ACOXL: variants seen among roughly 807,000 people sequenced by gnomAD.
ACOXL encodes the protein acyl-CoA oxidase like.
In ACOXL, 70 loss-of-function variants were observed where a neutral mutation model predicts 71.9. The ratio of observed to expected loss-of-function variants is 0.97; its 90% confidence interval spans 0.80 to 1.19. The LOEUF (loss-of-function observed/expected upper bound fraction) is 1.19. ACOXL is among the 50% of genes most tolerant of loss of function. The pLI is 0.00. For missense variants in ACOXL, 703 were observed against 736.3 expected, an observed-to-expected ratio of 0.95 and a Z score of 0.52; for synonymous variants, 253 against 281.6, an observed-to-expected ratio of 0.90 and a Z score of 1.02.
At chr2:110,757,408 A>G (rs557385732) in intron 1 of ACOXL, among the ~76,000 whole-genome samples, 3 of 152,282 alleles carry the variant, frequency 2.0e-5, no homozygotes, top group Admixed American at 6.5e-5. Context: ...TCCTTTGGGT[A>G]TATACCCAGT....
At chr2:111,032,286 C>T (rs1157870426) in intron 15 of ACOXL, among the ~76,000 whole-genome samples, 1 of 152,156 alleles carries the variant, frequency 6.6e-6, no homozygotes, top group Non-Finnish European at 1.5e-5. Flanking sequence ...GGTAGTGCCA[C>T]TGGTGCGCAG....
intron 7 of ACOXL, among the ~76,000 whole-genome samples, chr2:110,801,346 A>C (rs1685966590): frequency 2.0e-5 from 3 of 152,180 alleles, no homozygotes; most frequent in African/African-American, 7.2e-5. Flanking sequence ...TCTTAATCAC[A>C]GTCACTGCTC....
intron 1 of ACOXL, among the ~76,000 whole-genome samples, chr2:110,734,331 G>GT (rs1313479121): frequency 7.3e-5 from 11 of 151,562 alleles, no homozygotes; most frequent in Non-Finnish European, 1.5e-5. Flanking sequence ...GTGCTGTGGT[G>GT]TGATCTCAGC....
chr2:111,102,910 C>T (rs1005238981), intron 17 of ACOXL, among the ~76,000 whole-genome samples: 4 of 152,094 alleles, frequency 2.6e-5, no homozygotes, highest in African/African-American at 4.8e-5. Context: ...ATTTTACAGA[C>T]GAGACATTGC....
chr2:110,755,336 G>A (rs1333465941), intron 1 of ACOXL, among the ~76,000 whole-genome samples: 1 of 152,092 alleles, frequency 6.6e-6, no homozygotes, highest in Non-Finnish European at 1.5e-5. Context: ...GACCCAAGAA[G>A]ACATAAAAGA....
At chr2:110,808,166 G>C (rs997056344) in intron 9 of ACOXL, among the ~76,000 whole-genome samples, 3 of 152,284 alleles carry the variant, frequency 2.0e-5, no homozygotes, top group East Asian at 3.9e-4. Flanking sequence ...TGCAGCCTGT[G>C]CTGGGAGGCT....
At chr2:110,774,408 A>C (rs1210311913) in intron 2 of ACOXL, among the ~76,000 whole-genome samples, 1 of 152,220 alleles carries the variant, frequency 6.6e-6, no homozygotes, top group Non-Finnish European at 1.5e-5. Flanking sequence ...TGAGCAGATG[A>C]CAGGATCTTT....
intron 9 of ACOXL, among the ~76,000 whole-genome samples, chr2:110,835,919 C>T (rs562805011): frequency 3.3e-5 from 5 of 152,292 alleles, no homozygotes; most frequent in South Asian, 2.1e-4. Context: ...CAAAGTTAAT[C>T]GGCCTAAAAC....
intron 10 of ACOXL, among the ~76,000 whole-genome samples, chr2:110,878,348 C>T (rs1435954659): frequency 1.3e-5 from 2 of 152,152 alleles, no homozygotes; most frequent in Non-Finnish European, 2.9e-5. Flanking sequence ...GTGAGAAGCT[C>T]TATCAGAAGA....
In ACOXL at chr2:110,987,144, C is replaced by T. The variant is rs1574396126; in HGVS notation, c.1096C>T (p.Gln366Ter). The change falls in exon 13 of 18, where the codon CAG becomes TAG. Residue 366 changes from glutamine (Q) to a stop codon, truncating the protein, a stop_gained. Coordinates refer to ENST00000439055, the MANE Select transcript of ACOXL (RefSeq NM_001142807.4). LOFTEE classifies it high-confidence loss of function. The part of the protein sequence containing the change: ...GRELLAQYTK[Q>*]YEEKPLFGLL... ...GGAACTGCTGGCCCAATACACCAAA[C>T]AGTATGAAGAAAAACCACTCTTTGG... 5 of 1,577,152 alleles carry T rather than the reference C, an allele frequency of 3.2e-6. No homozygotes were observed. Among genetic ancestry groups the T allele is most frequent in the Non-Finnish European group, 4.3e-6 (5 of 1,158,304 alleles).
Position 111,062,480 on chromosome 2 carries a change from T to A in ACOXL, c.1440+13192T>A, listed in dbSNP as rs146322498. The stretch of plus-strand genomic sequence containing the variant: ...TAGCATATAGGATCTATGGACATTT[T>A]TGGAACACTCTACCCAACAACAGCA... On this transcript the variant is annotated intron_variant, in intron 16 of 17. Transcript: ENST00000439055. Among the ~76,000 whole-genome samples the A allele has an allele frequency of 4.4e-3, 670 of 152,228 alleles. 9 individuals are homozygous for A. The East Asian group carries it at 0.046, about 10-fold the overall frequency.
chr2:110,814,872 G>T (rs1005385475), intron 9 of ACOXL, among the ~76,000 whole-genome samples: 3 of 152,070 alleles, frequency 2.0e-5, no homozygotes, highest in African/African-American at 7.2e-5. Context: ...TTTGATAATT[G>T]TAACTTTTTA....
intron 10 of ACOXL, among the ~76,000 whole-genome samples, chr2:110,855,120 C>T (rs557885689): frequency 7.9e-5 from 12 of 152,282 alleles, no homozygotes; most frequent in Admixed American, 5.9e-4. Context: ...GGAGGAAAAT[C>T]GTTTCATCTT....
chr2:111,034,488 T>G (rs140213312), intron 15 of ACOXL, among the ~76,000 whole-genome samples: 2 of 152,304 alleles, frequency 1.3e-5, no homozygotes, highest in African/African-American at 4.8e-5. Flanking sequence ...CCTGAACCTT[T>G]TATTGGTTCA....
chr2:110,902,915 G>C (rs2149210394), intron 10 of ACOXL, among the ~76,000 whole-genome samples: 1 of 152,318 alleles, frequency 6.6e-6, no homozygotes, highest in East Asian at 1.9e-4. Context: ...CCTGTGGTCA[G>C]GTTATTAATG....
chr2:111,058,356 T>C (rs565013124), intron 16 of ACOXL, among the ~76,000 whole-genome samples: 1 of 152,206 alleles, frequency 6.6e-6, no homozygotes, highest in African/African-American at 2.4e-5. Context: ...TTAACAGAAT[T>C]ACCAGGTGTC....
intron 15 of ACOXL, among the ~76,000 whole-genome samples, chr2:111,046,340 T>C (rs1377649983): frequency 6.6e-5 from 10 of 152,214 alleles, no homozygotes; most frequent in Non-Finnish European, 1.5e-4. Flanking sequence ...GTCTGTCTGA[T>C]GCCAAACCTG....
intron 1 of ACOXL, among the ~76,000 whole-genome samples, chr2:110,763,354 A>G (rs1370021737): frequency 6.6e-6 from 1 of 152,270 alleles, no homozygotes; most frequent in Non-Finnish European, 1.5e-5. Flanking sequence ...TCAATGAAAC[A>G]GAATAGAAAG....
intron 12 of ACOXL, among the ~76,000 whole-genome samples, chr2:110,966,824 A>G (rs546914315): frequency 6.6e-6 from 1 of 152,310 alleles, no homozygotes; most frequent in East Asian, 1.9e-4. Flanking sequence ...AGGGAACAGA[A>G]CTTGCCCCCA....
Sources: gnomAD v4.1 joint callset for allele counts (sites outside exome capture counted in the v4.1 genomes callset) on GRCh38, gnomAD v4.1.1 for gene constraint, MANE v1.5 for transcripts, NCBI Gene and HGNC (gene_info 2026-07-23, HGNC 2026-07-21) for gene names.